The following WNT5A variants were observed in gnomAD, a reference collection of about 807,000 sequenced individuals.
WNT5A encodes the protein Wnt family member 5A, also known as protein Wnt-5a.
In WNT5A, 9 loss-of-function variants were observed where a neutral mutation model predicts 42.1. The ratio of observed to expected loss-of-function variants is 0.21; its 90% CI spans 0.13 to 0.37. WNT5A has a LOEUF of 0.37. Ranked by LOEUF, WNT5A falls within the 10% of genes least tolerant of loss-of-function variation. The pLI, the probability that WNT5A is intolerant of heterozygous loss-of-function variation, is 1.00. For synonymous variants in WNT5A, 210 were observed against 210.0 expected (o/e 1.00, Z 0.00); for missense variants, 426 against 534.0 (o/e 0.80, Z 1.99).
Position 55,476,924 on chromosome 3 carries a change from T to C in WNT5A, c.392-2295A>G, listed in dbSNP as rs1297223828. On this transcript the variant is annotated intron_variant, in intron 3 of 4. Coordinates refer to ENST00000264634, the MANE Select transcript of WNT5A (RefSeq NM_003392.7). Reference sequence around the variant, plus strand: ...CAAAAGCTGGAAGGAAAGGGTAGCATGATGAAAAATGAGAAACTCTCCAAA... The same window carrying C: ...CAAAAGCTGGAAGGAAAGGGTAGCACGATGAAAAATGAGAAACTCTCCAAA... 2.0e-5 allele frequency among the ~76,000 whole-genome samples: 3 copies of C among 152,132 alleles called. No individual in the cohort carries two copies. The East Asian group carries it at 5.8e-4, about 29-fold the overall frequency.
chr3:55,504,956 G>A, the WNT5A span, among the ~76,000 whole-genome samples: 2 of 152,104 alleles, frequency 1.3e-5, no homozygotes, highest in Non-Finnish European at 2.9e-5. Context: ...CACACAGTAT[G>A]TCCTCTTTTG....
At chr3:55,498,598 C>T in the WNT5A span, among the ~76,000 whole-genome samples, 1 of 152,176 alleles carries the variant, frequency 6.6e-6, no homozygotes, top group Non-Finnish European at 1.5e-5. Flanking sequence ...CTTTCTTCTG[C>T]TGTTAAGAGC....
upstream of WNT5A, among the ~76,000 whole-genome samples, chr3:55,494,630 C>T (rs561008419): frequency 7.2e-5 from 11 of 152,292 alleles, no homozygotes; most frequent in African/African-American, 2.6e-4. Context: ...CCTCTGCCCC[C>T]CAGGTTCAAG....
intron 1 of WNT5A, chr3:55,481,457 GGGGCAGGAC>G: frequency 1.1e-6 from 1 of 941,022 alleles, no homozygotes; most frequent in Non-Finnish European, 1.3e-6. Flanking sequence ...GTGGAGGATG[GGGGCAGGAC>G]GCGGGAGGGA....
rs1394159149 is a variant in WNT5A at position 55,483,188 on chromosome 3, G to GGC, written c.7-2272_7-2271dup. ...CCAGAGCCCAGGCCAACTGAGAGCG[G>GGC]GCCCATCCGGTCACCAAGACTTGGG... On this transcript the variant is annotated intron_variant, in intron 1 of 4. Transcript: ENST00000264634. The surrounding 1 kb of genome is among the most constrained non-coding windows in gnomAD (Gnocchi z 4.2). 1.2e-4 allele frequency among the ~76,000 whole-genome samples: 19 copies of GGC among 152,138 alleles called. No individual in the cohort carries two copies. Among genetic ancestry groups the GGC allele is most frequent in the African/African-American group, 3.4e-4 (14 of 41,426 alleles).
the WNT5A span, among the ~76,000 whole-genome samples, chr3:55,498,791 G>A: frequency 6.6e-6 from 1 of 151,978 alleles, no homozygotes; most frequent in Non-Finnish European, 1.5e-5. Context: ...TTCCCCAATA[G>A]AGACATAGGG....
At chr3:55,479,096 G>A (rs2051407548) in intron 3 of WNT5A, 1 of 404,094 alleles carries the variant, frequency 2.5e-6, no homozygotes. Flanking sequence ...AGGTGTCTGT[G>A]ATACTTGCCT....
At chr3:55,487,869 A>G (rs1232217830), upstream of WNT5A, 1 of 152,104 alleles carries the variant, frequency 6.6e-6, no homozygotes, top group Admixed American at 6.5e-5. Context: ...CCCGGAACTT[A>G]TTGCTGTGCG....
the WNT5A span, among the ~76,000 whole-genome samples, chr3:55,502,189 G>A: frequency 6.6e-6 from 1 of 152,112 alleles, no homozygotes; most frequent in African/African-American, 2.4e-5. Context: ...ATTTGGGACT[G>A]GTCACCTTAA....
chr3:55,486,584 G>A (rs2051583018), intron 1 of WNT5A, among the ~76,000 whole-genome samples: 1 of 152,236 alleles, frequency 6.6e-6, no homozygotes, highest in South Asian at 2.1e-4. Context: ...CGGTGCCCGC[G>A]CAGTGGGCGC....
At chr3:55,502,842 G>A in the WNT5A span, among the ~76,000 whole-genome samples, 2 of 152,220 alleles carry the variant, frequency 1.3e-5, no homozygotes, top group Admixed American at 1.3e-4. Context: ...TGAATATGTA[G>A]CATTTGTGTG....
intron 1 of WNT5A, among the ~76,000 whole-genome samples, chr3:55,481,663 G>A (rs1292081796): frequency 6.6e-6 from 1 of 152,172 alleles, no homozygotes; most frequent in African/African-American, 2.4e-5. Context: ...GACTAGGGAG[G>A]GGAGAAGGAG....
At chr3:55,497,835 A>C in the WNT5A span, among the ~76,000 whole-genome samples, 2 of 152,166 alleles carry the variant, frequency 1.3e-5, no homozygotes, top group Non-Finnish European at 2.9e-5. Flanking sequence ...AGAAGGGAAG[A>C]GCCAAGAGAG....
the WNT5A span, among the ~76,000 whole-genome samples, chr3:55,501,412 C>G: frequency 1.3e-5 from 2 of 151,978 alleles, no homozygotes. Context: ...TGTGCACGCA[C>G]AGTTTTGGAG....
chr3:55,482,410 C>T (rs1355774584), intron 1 of WNT5A, among the ~76,000 whole-genome samples: 2 of 152,182 alleles, frequency 1.3e-5, no homozygotes, highest in Non-Finnish European at 2.9e-5. Context: ...TCGCCCATAG[C>T]CCCTGAAGGA....
In WNT5A at chr3:55,474,606, A is replaced by T; in HGVS notation, c.415T>A (p.Tyr139Asn). The T allele has an allele frequency of 7.6e-7, 1 of 1,318,876 alleles. No individual in the cohort carries two copies. The highest frequency in any genetic ancestry group is 9.8e-7 in the Non-Finnish European group (1 of 1,024,580). The allele number at this position is 1,318,876 out of a possible 1,614,324, so 81.7% of individuals were successfully genotyped here. ...QIGSRETAFT[Y>N]AVSAAGVVNA... Reference sequence around the variant, plus strand: ...ACCACCCCTGCTGCGCTCACCGCGTATGTGAAGGCCGTCTCGCGGCTGCCT... The same window carrying T: ...ACCACCCCTGCTGCGCTCACCGCGTTTGTGAAGGCCGTCTCGCGGCTGCCT... The change falls in exon 4 of 5, where the codon TAC (tyrosine) becomes AAC (asparagine). Residue 139 changes from tyrosine to asparagine, a missense_variant. By Grantham distance (143) the Tyr-to-Asn change is moderately radical. This residue lies in a region of WNT5A where 358 missense variants were observed against 468.1 expected (regional missense o/e 0.76). Transcript: ENST00000264634.
intron 1 of WNT5A, chr3:55,481,355 A>C (rs2051458458): frequency 4.1e-6 from 4 of 986,272 alleles, no homozygotes; most frequent in Non-Finnish European, 4.8e-6. Context: ...AAGTGGAGCC[A>C]GAATTAATTC....
At chr3:55,479,171 A>T in intron 3 of WNT5A, 143 bp downstream of exon 3, 1 of 854,756 alleles carries the variant, frequency 1.2e-6, no homozygotes, top group Non-Finnish European at 1.7e-6. Flanking sequence ...ATCATTTGCT[A>T]TAATGACAAA....
At chr3:55,498,785 C>G in the WNT5A span, among the ~76,000 whole-genome samples, 2 of 151,754 alleles carry the variant, frequency 1.3e-5, no homozygotes, top group African/African-American at 4.8e-5. Flanking sequence ...TTTTTTTTCC[C>G]CAATAGAGAC....
Sources: gnomAD v4.1 joint callset for allele counts (sites outside exome capture counted in the v4.1 genomes callset) on GRCh38, gnomAD v4.1.1 for gene constraint, gnomAD v4.1.1 regional missense constraint, Gnocchi (gnomAD v3.1) non-coding constraint, MANE v1.5 for transcripts, NCBI Gene and HGNC (gene_info 2026-07-23, HGNC 2026-07-21) for gene names.